Variants in CIITA observed in about 807,000 individuals in gnomAD.
CIITA encodes the protein class II major histocompatibility complex transactivator, also known as MHC class II transactivator.
CIITA carries 72 observed loss-of-function variants against 115.1 expected under a neutral mutation model. That is an observed-to-expected ratio of 0.63 (90% confidence interval 0.52 to 0.76). CIITA has a LOEUF of 0.76. CIITA is among the 30% of genes least tolerant of loss of function. The pLI is 0.00. For synonymous variants in CIITA, 763 were observed against 635.6 expected, an observed-to-expected ratio of 1.20 and a Z score of -3.02; for missense variants, 1,617 against 1,463.8, an observed-to-expected ratio of 1.10 and a Z score of -1.71.
At chr16:10,867,174 G>T (rs753675386) in intron 1 of CIITA, among the ~76,000 whole-genome samples, 1 of 152,116 alleles carries the variant, frequency 6.6e-6, no homozygotes, top group Non-Finnish European at 1.5e-5. Context: ...AACTGGGAAG[G>T]CAGAGGTTGC....
chr16:10,874,047 C>T (rs967825462), upstream of CIITA, among the ~76,000 whole-genome samples: 2 of 151,506 alleles, frequency 1.3e-5, no homozygotes, highest in Non-Finnish European at 2.9e-5. Context: ...GTGGTGTGAT[C>T]TCGGCTCACT....
intron 1 of CIITA, among the ~76,000 whole-genome samples, chr16:10,891,630 A>C (rs1441594854): frequency 6.6e-6 from 1 of 152,132 alleles, no homozygotes; most frequent in Non-Finnish European, 1.5e-5. Flanking sequence ...GTAGGTTCTT[A>C]ATAAAGAGCA....
intron 5 of CIITA, among the ~76,000 whole-genome samples, chr16:10,900,325 G>A (rs6498122): frequency 0.76 from 114,923 of 152,170 alleles, 44,659 homozygotes; most frequent in Admixed American, 0.86. Context: ...GGGAGGTCAC[G>A]TTCCATATTA....
chr16:10,874,754 A>G (rs928822534), upstream of CIITA, among the ~76,000 whole-genome samples: 24 of 152,136 alleles, frequency 1.6e-4, no homozygotes, highest in African/African-American at 5.8e-4. Flanking sequence ...AGCTGCAGTC[A>G]CCCAGGTGAG....
intron 17 of CIITA, 32 bp from the exon 18 acceptor site, chr16:10,922,375 G>A (rs183921743): frequency 6.2e-7 from 1 of 1,613,982 alleles, no homozygotes; most frequent in Non-Finnish European, 8.5e-7. Context: ...GAGTCCCAAG[G>A]GCCAGGCCCC....
At chr16:10,900,489 C>G (rs558190312) in intron 5 of CIITA, among the ~76,000 whole-genome samples, 4 of 152,064 alleles carry the variant, frequency 2.6e-5, no homozygotes, top group Non-Finnish European at 5.9e-5. Flanking sequence ...TCTGTAATCC[C>G]AGCACTTTGG....
downstream of CIITA, chr16:10,938,671 TG>T (rs1567469130): frequency 6.6e-6 from 1 of 152,184 alleles, no homozygotes; most frequent in Admixed American, 6.5e-5. The surrounding 1 kb of genome is among the most constrained non-coding windows in gnomAD (Gnocchi z 4.9). Flanking sequence ...CCTCGGCACT[TG>T]GGGGCAAGGC....
intron 13 of CIITA, among the ~76,000 whole-genome samples, chr16:10,913,971 C>A (rs1410417326): frequency 1.5e-5 from 1 of 64,968 alleles, no homozygotes; most frequent in Non-Finnish European, 3.4e-5. Flanking sequence ...ATAAATAGAA[C>A]TCCATTCCCC....
chr16:10,905,297 T>C (rs1379714240), intron 10 of CIITA, among the ~76,000 whole-genome samples: 1 of 152,188 alleles, frequency 6.6e-6, no homozygotes, highest in Non-Finnish European at 1.5e-5. Flanking sequence ...TACTGAGGCA[T>C]GGTGGGATGT....
At chr16:10,908,846 T>G in intron 11 of CIITA, 183 bp from the exon 12 acceptor site, 31 of 803,672 alleles carry the variant, frequency 3.9e-5, no homozygotes, top group Non-Finnish European at 5.3e-5. Context: ...AACCACTGTG[T>G]GAGTTGTGAG....
rs576755349 is a variant in CIITA at position 10,929,038 on chromosome 16, G to A, written c.*5183G>A. On this transcript the variant is annotated 3_prime_UTR_variant, in exon 20 of 20. Transcript: ENST00000324288. The surrounding 1 kb of genome is among the most constrained non-coding windows in gnomAD (Gnocchi z 4.3). ...GGAGTAACGTGGCACTCACCAGCATGATGTCTGTTTTGCCAACTTGCTGAA... is the reference window on the plus strand; with the variant it reads ...GGAGTAACGTGGCACTCACCAGCATAATGTCTGTTTTGCCAACTTGCTGAA... The A allele has an allele frequency of 6.7e-5, 13 of 193,610 alleles. No homozygotes were observed. The highest frequency in any genetic ancestry group is 9.5e-5 in the Non-Finnish European group (10 of 105,524). The allele number at this position is 193,610 out of a possible 1,614,324, so 12.0% of individuals were successfully genotyped here. A position where few individuals can be genotyped will look rare whatever the true frequency, so the allele number is the denominator to read the frequency against.
downstream of CIITA, chr16:10,936,490 G>A (rs999912587): frequency 2.0e-5 from 3 of 152,232 alleles, no homozygotes; most frequent in African/African-American, 7.2e-5. Flanking sequence ...AGAGGGAAGA[G>A]CATGCACGTG....
At chr16:10,915,868 C>T (rs2039916466) in intron 14 of CIITA, among the ~76,000 whole-genome samples, 1 of 152,240 alleles carries the variant, frequency 6.6e-6, no homozygotes, top group Non-Finnish European at 1.5e-5. Flanking sequence ...AAAGCCCTCA[C>T]TTTGTCCCTT....
chr16:10,909,659 C>G (rs1003418785), intron 12 of CIITA, among the ~76,000 whole-genome samples: 1 of 152,236 alleles, frequency 6.6e-6, no homozygotes, highest in African/African-American at 2.4e-5. Context: ...TAAGTGCTGT[C>G]TGGGATAGGT....
intron 12 of CIITA, 112 bp downstream of exon 12, chr16:10,909,299 C>T: frequency 8.9e-7 from 1 of 1,123,652 alleles, no homozygotes; most frequent in Non-Finnish European, 1.3e-6. Flanking sequence ...CTCTGGGACA[C>T]CCCATGCCCT....
rs117969512 is a variant in CIITA, at chr16:10,867,780, G to A, written c.-21+1461G>A. On this transcript the variant is annotated intron_variant, in intron 1 of 5. Coordinates refer to the CIITA transcript ENST00000636238. ...ACAACTTTCTTTCTTTTTTTGAGAC[G>A]GGGTCTGTTCTCTTGCCCAGGCTGG... 1.2e-4 allele frequency among the ~76,000 whole-genome samples: 19 copies of A among 152,136 alleles called. No individual in the cohort carries two copies. The East Asian group carries it at 3.3e-3, about 26-fold the overall frequency.
intron 3 of CIITA, among the ~76,000 whole-genome samples, 197 bp from the exon 4 acceptor site, chr16:10,898,473 C>A (rs1052969027): frequency 6.6e-6 from 1 of 151,642 alleles, no homozygotes; most frequent in Admixed American, 6.6e-5. Context: ...TGGATACATA[C>A]CTCATCCTTT....
chr16:10,895,734 G>A lies in CIITA; in HGVS notation c.265G>A (p.Glu89Lys), dbSNP rs1261135396. The change falls in exon 3 of 20, where the codon GAA becomes AAA. Residue 89 changes from glutamate (E) to lysine (K), a missense_variant. Glu to Lys is a moderately conservative substitution (Grantham distance 56). Coordinates refer to ENST00000324288, the MANE Select transcript of CIITA (RefSeq NM_000246.4). ...SRLLCDMEGD[E>K]ETREAYANIA... ...GCTGTTGTGTGACATGGAAGGTGATGAAGAGACCAGGGAGGCTTATGCCAA... is the reference window on the plus strand; with the variant it reads ...GCTGTTGTGTGACATGGAAGGTGATAAAGAGACCAGGGAGGCTTATGCCAA... The A allele has an allele frequency of 1.2e-6, 2 of 1,614,140 alleles. No homozygotes were observed. The highest frequency in any genetic ancestry group is 1.7e-6 in the Non-Finnish European group (2 of 1,180,026).
At chr16:10,869,944 C>G (rs1262121088) in intron 1 of CIITA, among the ~76,000 whole-genome samples, 1 of 152,042 alleles carries the variant, frequency 6.6e-6, no homozygotes, top group Non-Finnish European at 1.5e-5. Context: ...TAGCACAGGG[C>G]CTGAGCACAG....
Sources: allele counts gnomAD v4.1 joint callset (sites outside exome capture counted in the v4.1 genomes callset), GRCh38; gene constraint gnomAD v4.1.1; non-coding constraint Gnocchi (gnomAD v3.1); transcripts MANE v1.5; gene names NCBI Gene and HGNC (gene_info 2026-07-23, HGNC 2026-07-21).